GRK1: variants seen among roughly 807,000 people sequenced by gnomAD.
The protein encoded by GRK1 is rhodopsin kinase GRK1.
Under a neutral mutation model 41.7 loss-of-function variants are expected in GRK1, and 28 were observed. That is an observed-to-expected ratio of 0.67 (90% confidence interval 0.50 to 0.92). The LOEUF (loss-of-function observed/expected upper bound fraction) is 0.92, where lower values mean the gene tolerates loss of function less well. Ranked by LOEUF, GRK1 falls within the 40% of genes least tolerant of loss-of-function variation. The probability of loss-of-function intolerance (pLI) is 0.00; values close to 1 mark genes in which losing one functional copy is unlikely to be tolerated. For synonymous variants in GRK1, 327 were observed against 286.7 expected (o/e 1.14, Z -1.42); for missense variants, 703 against 671.2 (o/e 1.05, Z -0.52).
chr13:113,656,526 C>T, the GRK1 span, among the ~76,000 whole-genome samples: 52 of 152,286 alleles, frequency 3.4e-4, no homozygotes, highest in African/African-American at 4.8e-4. Flanking sequence ...GCTTGCACCA[C>T]GGTGTTCAGG....
chr13:113,649,347 G>A, the GRK1 span: 206 of 1,578,168 alleles, frequency 1.3e-4, no homozygotes, highest in Middle Eastern at 2.2e-4. This position sits in a 1 kb window ranked among gnomAD's most constrained non-coding sequence, Gnocchi z 4.7. Flanking sequence ...CCCCGCAGGC[G>A]TGCCCAGGAC....
At chr13:113,663,771 G>A (rs140810743), upstream of GRK1, among the ~76,000 whole-genome samples, 45 of 152,196 alleles carry the variant, frequency 3.0e-4, no homozygotes, top group African/African-American at 1.1e-3. Flanking sequence ...CTACCAGGAG[G>A]GCCAAAACAA....
At chr13:113,725,183 C>CA (rs201230429) in intron 4 of GRK1, among the ~76,000 whole-genome samples, 82,089 of 151,680 alleles carry the variant, frequency 0.54, 23,689 homozygotes, top group African/African-American at 0.73. Flanking sequence ...CCCTCCCACG[C>CA]GCCCCCCACG....
chr13:113,658,209 GC>G, the GRK1 span: 2 of 1,459,872 alleles, frequency 1.4e-6, no homozygotes, highest in Non-Finnish European at 9.4e-7. Context: ...GAGGCCAGAT[GC>G]CCACCTCTGG....
the GRK1 span, among the ~76,000 whole-genome samples, chr13:113,660,550 G>A: frequency 6.6e-6 from 1 of 152,212 alleles, no homozygotes; most frequent in Non-Finnish European, 1.5e-5. Flanking sequence ...ATCACACAAA[G>A]AACGAGGACG....
chr13:113,667,078 G>A, upstream of GRK1: 1 of 260,268 alleles, frequency 3.8e-6, no homozygotes, highest in Non-Finnish European at 7.3e-6. This position sits in a 1 kb window ranked among gnomAD's most constrained non-coding sequence, Gnocchi z 7.5. Flanking sequence ...AAGGGGCCGG[G>A]CAGAATGATC....
chr13:113,667,380 C>T lies in GRK1; in HGVS notation c.-7C>T. The T allele has an allele frequency of 6.5e-7, 1 of 1,549,176 alleles. No homozygotes were observed. The highest frequency in any genetic ancestry group is 1.3e-5 in the South Asian group (1 of 78,944). On this transcript the variant is annotated 5_prime_UTR_variant, in exon 1 of 7. Transcript: ENST00000335678. This position sits in a 1 kb window ranked among gnomAD's most constrained non-coding sequence, Gnocchi z 7.5. ...CCTCACGCCTGAAGCGGGCAGGAAG[C>T]TCCGGGATGGATTTCGGGTCTTTGG...
Position 113,735,165 on chromosome 13 carries a change from T to G in GRK1, c.1494T>G (p.Phe498Leu). 6.5e-7 allele frequency: 1 copy of G among 1,537,228 alleles called. No homozygotes were observed. Among genetic ancestry groups the G allele is most frequent in the East Asian group, 2.4e-5 (1 of 40,922 alleles). Residue 498 changes from phenylalanine (F) to leucine (L), a missense_variant, in exon 7 of 7, where the codon TTT (phenylalanine) becomes TTG (leucine). Coordinates refer to ENST00000335678, the MANE Select transcript of GRK1 (RefSeq NM_002929.3). ...GAFSTVKGVA[F>L]DKTDTEFFQE... ...TTTCCACCGTCAAAGGTGTGGCCTTTGACAAAACAGACACAGAATTCTTTC... is the reference window on the plus strand; with the variant it reads ...TTTCCACCGTCAAAGGTGTGGCCTTGGACAAAACAGACACAGAATTCTTTC...
the GRK1 span, among the ~76,000 whole-genome samples, chr13:113,659,347 G>A: frequency 6.6e-6 from 1 of 152,194 alleles, no homozygotes; most frequent in Non-Finnish European, 1.5e-5. Context: ...ATTCGAAGTC[G>A]ACTAGCCCTG....
intron 4 of GRK1, among the ~76,000 whole-genome samples, chr13:113,728,532 C>T (rs993316848): frequency 6.6e-6 from 1 of 152,110 alleles, no homozygotes; most frequent in Non-Finnish European, 1.5e-5. Flanking sequence ...CAGCTCATGG[C>T]GTATAGTGGA....
intron 6 of GRK1, chr13:113,734,606 G>A (rs996417939): frequency 1.3e-5 from 2 of 154,402 alleles, no homozygotes; most frequent in African/African-American, 2.4e-5. Context: ...GTGCGTCAGG[G>A]AGGGACGCTG....
chr13:113,652,799 C>A, the GRK1 span: 1 of 1,534,138 alleles, frequency 6.5e-7, no homozygotes, highest in East Asian at 2.3e-5. Flanking sequence ...ACCTGTGCTC[C>A]TCGTGGTGGG....
Position 113,667,461 on chromosome 13 carries a change from C to T in GRK1, c.75C>T (p.Ser25=). 1 of 1,608,554 alleles carries T rather than the reference C, an allele frequency of 6.2e-7. No homozygotes were observed. Among genetic ancestry groups the T allele is most frequent in the Non-Finnish European group, 8.5e-7 (1 of 1,176,948 alleles). Residue 25 remains serine, a synonymous_variant, in exon 1 of 7, where the codon AGC becomes AGT. Transcript: ENST00000335678. This position sits in a 1 kb window ranked among gnomAD's most constrained non-coding sequence, Gnocchi z 7.5. The part of the protein sequence containing the change: ...FIAARGSFDG[S]SSQPSRDKKY... ...CCGCCCGAGGCAGCTTTGACGGCAG[C>T]AGCTCCCAACCCTCCCGGGACAAGA...
In GRK1 at chr13:113,669,624, C is replaced by T. The variant is rs2049842644; in HGVS notation, c.700-63C>T. ...GGGCGTGGCCGGGTGCACACGGTCT[C>T]TGCGATGCACCTAGTCCCTTTCCTA... On this transcript the variant is annotated intron_variant, in intron 1 of 6. Transcript: ENST00000335678. 4.4e-6 allele frequency: 7 copies of T among 1,603,022 alleles called. No individual in the cohort carries two copies. In the African/African-American group the frequency reaches 5.3e-5, roughly 12 times the overall value.
intron 4 of GRK1, among the ~76,000 whole-genome samples, chr13:113,729,486 C>T (rs974723524): frequency 2.0e-5 from 3 of 152,298 alleles, no homozygotes; most frequent in Non-Finnish European, 4.4e-5. Flanking sequence ...TACAAACCCA[C>T]GTGCTCAAAG....
chr13:113,659,571 TTTC>T, the GRK1 span, among the ~76,000 whole-genome samples: 2 of 152,180 alleles, frequency 1.3e-5, no homozygotes, highest in Non-Finnish European at 2.9e-5. Context: ...TATCATTTCT[TTTC>T]TTTTTTTTAA....
Position 113,731,078 on chromosome 13 carries a change from A to C in GRK1, c.1070-141A>C. The C allele has an allele frequency of 7.9e-7, 1 of 1,260,636 alleles. No individual in the cohort carries two copies. The highest frequency in any genetic ancestry group is 1.5e-5 in the South Asian group (1 of 64,804). The allele number at this position is 1,260,636 out of a possible 1,614,324, so 78.1% of individuals were successfully genotyped here. A position where few individuals can be genotyped will look rare whatever the true frequency, so the allele number is the denominator to read the frequency against. On this transcript the variant is annotated intron_variant, in intron 4 of 6. Transcript: ENST00000335678. This position sits in a 1 kb window ranked among gnomAD's most constrained non-coding sequence, Gnocchi z 5.6. ...TAACACACAGGGCAGCCCCTCCACA[A>C]AGGATTTTCTGGCCCCAAATGTGGA...
At chr13:113,653,752 A>T in the GRK1 span, among the ~76,000 whole-genome samples, 1 of 152,230 alleles carries the variant, frequency 6.6e-6, no homozygotes. Context: ...CTGGGTTTCT[A>T]TGTAAAATTG....
At chr13:113,661,166 T>G in the GRK1 span, among the ~76,000 whole-genome samples, 1 of 152,052 alleles carries the variant, frequency 6.6e-6, no homozygotes, top group Non-Finnish European at 1.5e-5. Flanking sequence ...CCAATCACAA[T>G]GGAATCAAAT....
Sources: allele counts gnomAD v4.1 joint callset (sites outside exome capture counted in the v4.1 genomes callset), GRCh38; gene constraint gnomAD v4.1.1; non-coding constraint Gnocchi (gnomAD v3.1); transcripts MANE v1.5; gene names NCBI Gene and HGNC (gene_info 2026-07-23, HGNC 2026-07-21).